The following SKIC3 variants were observed in gnomAD, a reference collection of about 807,000 sequenced individuals.
SKIC3 encodes the protein SKI3 subunit of superkiller complex, also known as superkiller complex protein 3.
At chr5:95,511,511 T>A in the SKIC3 span, among the ~76,000 whole-genome samples, 1 of 152,208 alleles carries the variant, frequency 6.6e-6, no homozygotes, top group African/African-American at 2.4e-5. Context: ...CTGATGTTTG[T>A]AAATTAATTG....
At chr5:95,475,643 G>T in the SKIC3 span, among the ~76,000 whole-genome samples, 102 of 152,316 alleles carry the variant, frequency 6.7e-4, no homozygotes, top group Middle Eastern at 3.4e-3. Flanking sequence ...GACGAATACA[G>T]TTGGTGTTCC....
the SKIC3 span, among the ~76,000 whole-genome samples, chr5:95,492,808 C>A: frequency 1.3e-5 from 2 of 151,336 alleles, no homozygotes; most frequent in African/African-American, 4.9e-5. Flanking sequence ...GGGATAGCTA[C>A]TTTAGGGATC....
chr5:95,529,944 A>C, the SKIC3 span: 2 of 905,552 alleles, frequency 2.2e-6, no homozygotes, highest in Non-Finnish European at 3.3e-6. Flanking sequence ...TCAGAGTTCA[A>C]ACCTAAGCAG....
At chr5:95,473,297 T>C in the SKIC3 span, among the ~76,000 whole-genome samples, 1 of 152,162 alleles carries the variant, frequency 6.6e-6, no homozygotes, top group Admixed American at 6.5e-5. Flanking sequence ...GTTTGTTTGT[T>C]TGAGACAGGG....
chr5:95,490,559 G>A, the SKIC3 span, among the ~76,000 whole-genome samples: 5 of 149,700 alleles, frequency 3.3e-5, no homozygotes, highest in South Asian at 2.1e-4. Context: ...GAGCGGTGGC[G>A]CAATCTCGGC....
the SKIC3 span, chr5:95,509,531 G>T: frequency 7.9e-7 from 1 of 1,267,724 alleles, no homozygotes; most frequent in Non-Finnish European, 1.1e-6. Flanking sequence ...GCCAGTCAGA[G>T]ATTCTCCAGG....
chr5:95,522,350 A>G, the SKIC3 span: 8 of 1,600,530 alleles, frequency 5.0e-6, no homozygotes, highest in African/African-American at 1.3e-5. Flanking sequence ...GTATGGAACT[A>G]TCTCCAAATC....
the SKIC3 span, among the ~76,000 whole-genome samples, chr5:95,485,094 A>G: frequency 1.3e-5 from 2 of 152,198 alleles, no homozygotes; most frequent in Non-Finnish European, 2.9e-5. Context: ...AAAATAAAAT[A>G]ATTTGCTGAA....
the SKIC3 span, among the ~76,000 whole-genome samples, chr5:95,470,314 G>A: frequency 4.0e-4 from 61 of 152,202 alleles, no homozygotes; most frequent in Non-Finnish European, 6.0e-4. Flanking sequence ...ATTTGAGCCC[G>A]TCACCATATA....
the SKIC3 span, chr5:95,541,409 A>G: frequency 6.2e-7 from 1 of 1,606,088 alleles, no homozygotes; most frequent in Non-Finnish European, 8.5e-7. Context: ...ACACACACAC[A>G]AAAGGATTTT....
At chr5:95,518,358 T>G in the SKIC3 span, among the ~76,000 whole-genome samples, 2 of 152,094 alleles carry the variant, frequency 1.3e-5, no homozygotes, top group Non-Finnish European at 2.9e-5. Context: ...TATATATTAT[T>G]GTTAACTACA....
the SKIC3 span, among the ~76,000 whole-genome samples, chr5:95,540,247 T>A: frequency 4.6e-5 from 7 of 152,144 alleles, no homozygotes; most frequent in African/African-American, 1.7e-4. Flanking sequence ...GAACATTGTA[T>A]GTTCTCACTC....
chr5:95,527,072 A>G, the SKIC3 span, among the ~76,000 whole-genome samples: 1 of 152,212 alleles, frequency 6.6e-6, no homozygotes, highest in African/African-American at 2.4e-5. Flanking sequence ...GATCTGTTTC[A>G]ACATACCACA....
the SKIC3 span, among the ~76,000 whole-genome samples, chr5:95,504,417 T>C: frequency 1.3e-5 from 2 of 151,896 alleles, no homozygotes; most frequent in Admixed American, 6.5e-5. Flanking sequence ...AATTACGAAG[T>C]GTCTCTTTTT....
At chr5:95,534,213 G>GAA in the SKIC3 span, among the ~76,000 whole-genome samples, 887 of 139,048 alleles carry the variant, frequency 6.4e-3, 10 homozygotes, top group African/African-American at 0.022. Flanking sequence ...TTCCTATCAG[G>GAA]AAAAAAAAAA....
the SKIC3 span, among the ~76,000 whole-genome samples, chr5:95,553,560 T>C: frequency 6.6e-6 from 1 of 152,100 alleles, no homozygotes; most frequent in Non-Finnish European, 1.5e-5. Context: ...GGGGTTTTTT[T>C]GTTTTTGTTT....
At chr5:95,546,979 G>C in the SKIC3 span, 1 of 1,412,022 alleles carries the variant, frequency 7.1e-7, no homozygotes, top group Non-Finnish European at 1.0e-6. Context: ...GTTTGGACAG[G>C]AAATAATTCA....
chr5:95,543,474 C>A, the SKIC3 span: 1 of 894,836 alleles, frequency 1.1e-6, no homozygotes, highest in Non-Finnish European at 1.7e-6. Context: ...TATCTGGTTT[C>A]AGTTTCCTCA....
chr5:95,473,818 T>C, the SKIC3 span, among the ~76,000 whole-genome samples: 1 of 152,358 alleles, frequency 6.6e-6, no homozygotes, highest in South Asian at 2.1e-4. Context: ...TAGATCTTTG[T>C]CAGATGCATA....
Sources: gnomAD v4.1 joint callset for allele counts (sites outside exome capture counted in the v4.1 genomes callset) on GRCh38, gnomAD v4.1.1 for gene constraint, MANE v1.5 for transcripts, NCBI Gene and HGNC (gene_info 2026-07-23, HGNC 2026-07-21) for gene names.